Variants in AFF2 observed in about 807,000 individuals in gnomAD.
AFF2 encodes ALF transcription elongation factor 2, also known as AF4/FMR2 family member 2.
AFF2 carries 14 observed loss-of-function variants against 76.9 expected under a neutral mutation model. That is an observed-to-expected ratio of 0.18 (90% CI 0.12 to 0.28). The LOEUF (loss-of-function observed/expected upper bound fraction) is 0.28, where lower values mean the gene tolerates loss of function less well. Among genes scored for constraint, AFF2 ranks in the 10% least tolerant of loss-of-function variants. AFF2 has a pLI of 1.00. For synonymous variants in AFF2, 398 were observed against 366.7 expected (o/e 1.09, Z -0.98); for missense variants, 868 against 1,001.1 (o/e 0.87, Z 1.79).
intron 9 of AFF2, among the ~76,000 whole-genome samples, chrX:148,905,021 C>G (rs1380191043): frequency 8.9e-6 from 1 of 112,091 alleles, no homozygotes; most frequent in Non-Finnish European, 1.9e-5. Context: ...CTGGTAATAT[C>G]ACATCTCGAG....
At chrX:148,886,905 A>G (rs782424652) in intron 8 of AFF2, among the ~76,000 whole-genome samples, 1 of 112,684 alleles carries the variant, frequency 8.9e-6, no homozygotes, top group East Asian at 2.8e-4. Context: ...TGTTCATTGA[A>G]CATTTCATGA....
intron 1 of AFF2, among the ~76,000 whole-genome samples, chrX:148,564,244 T>C (rs1239340368): frequency 3.6e-5 from 4 of 111,048 alleles, no homozygotes; most frequent in African/African-American, 1.3e-4. Context: ...CCCAGATAAG[T>C]TTTAAATATA....
chrX:148,577,370 C>T (rs781798489), intron 1 of AFF2, among the ~76,000 whole-genome samples: 1 of 111,904 alleles, frequency 8.9e-6, no homozygotes, highest in Non-Finnish European at 1.9e-5. Context: ...TAATGGTGTA[C>T]GTGAAAAGAA....
chrX:148,504,843 T>C (rs1257682706), intron 1 of AFF2, among the ~76,000 whole-genome samples: 1 of 112,021 alleles, frequency 8.9e-6, no homozygotes, highest in East Asian at 2.8e-4. Context: ...CCTCCTGTTC[T>C]GTGCGCACAG....
chrX:148,698,709 A>C (rs2054750283), intron 3 of AFF2, among the ~76,000 whole-genome samples: 1 of 111,601 alleles, frequency 9.0e-6, no homozygotes, highest in African/African-American at 3.3e-5. Context: ...TTAAACTTTG[A>C]AAATGTTTAC....
intron 9 of AFF2, among the ~76,000 whole-genome samples, chrX:148,923,689 C>T (rs1215642392): frequency 9.0e-5 from 10 of 111,318 alleles, no homozygotes; most frequent in African/African-American, 1.6e-4. Flanking sequence ...AAAAATACTT[C>T]GACTTCTAAG....
At chrX:148,591,348 G>A (rs1352276824) in intron 1 of AFF2, among the ~76,000 whole-genome samples, 1 of 111,711 alleles carries the variant, frequency 9.0e-6, no homozygotes, top group African/African-American at 3.3e-5. Flanking sequence ...GAGTTCCAAA[G>A]CTCTGGAGGC....
Position 148,992,005 on chromosome X carries a change from TAAG to T in AFF2, c.*679_*681del, listed in dbSNP as rs1233382043. On this transcript the variant is annotated 3_prime_UTR_variant, in exon 21 of 21. Coordinates refer to ENST00000370460, the MANE Select transcript of AFF2 (RefSeq NM_002025.4). ...TTCCCTATTTTGTTAATTTTAATGA[TAAG>T]AAGAAAGGGTGACATTTATTTTGAC... The T allele has an allele frequency of 7.1e-5, 8 of 112,291 alleles. No individual in the cohort carries two copies. The highest frequency in any genetic ancestry group is 6.6e-4 in the Admixed American group (7 of 10,616). 9.3% of individuals were successfully genotyped at this position (112,291 alleles called of 1,213,427 possible).
chrX:148,873,273 A>G (rs1339576771), intron 7 of AFF2, among the ~76,000 whole-genome samples: 1 of 110,375 alleles, frequency 9.1e-6, no homozygotes. Context: ...GAGCCCGGCT[A>G]TCTAACCTCT....
intron 1 of AFF2, among the ~76,000 whole-genome samples, chrX:148,615,674 A>G (rs1239355860): frequency 3.6e-5 from 4 of 111,722 alleles, no homozygotes; most frequent in African/African-American, 1.3e-4. Flanking sequence ...ATTCATTCCA[A>G]CCCATTTAGC....
intron 6 of AFF2, 105 bp downstream of exon 6, chrX:148,843,107 A>G: frequency 3.1e-6 from 2 of 646,172 alleles, no homozygotes; most frequent in South Asian, 6.8e-5. Flanking sequence ...AAGAACAACA[A>G]TAACAAAAAG....
chrX:148,745,016 T>C (rs2055404038), intron 3 of AFF2, among the ~76,000 whole-genome samples: 1 of 111,774 alleles, frequency 8.9e-6, no homozygotes, highest in Admixed American at 9.4e-5. Context: ...TTTTTCAAGT[T>C]GTCTCTACCA....
chrX:148,757,443 A>C (rs1420271813), intron 3 of AFF2, among the ~76,000 whole-genome samples: 1 of 111,669 alleles, frequency 9.0e-6, no homozygotes, highest in African/African-American at 3.3e-5. Flanking sequence ...CCATATATAT[A>C]AAAATACAAT....
intron 3 of AFF2, among the ~76,000 whole-genome samples, chrX:148,778,124 C>T (rs1326141748): frequency 5.4e-5 from 6 of 111,519 alleles, no homozygotes; most frequent in Non-Finnish European, 1.1e-4. Context: ...TGGTTTTTGT[C>T]ATTGGTTCTG....
chrX:148,870,256 T>G (rs1557277232), intron 7 of AFF2, among the ~76,000 whole-genome samples: 1 of 112,180 alleles, frequency 8.9e-6, no homozygotes, highest in Non-Finnish European at 1.9e-5. Flanking sequence ...GTCATCTGCC[T>G]GCAGTCATTT....
Position 148,970,334 on chromosome X carries a change from G to T in AFF2, c.3267+2642G>T, listed in dbSNP as rs782225403. ...AGGACCTCTAGCTAATCATTTTATA[G>T]TTGTACTTAATCCTTTGCTAGAGAC... On this transcript the variant is annotated intron_variant, in intron 15 of 20. Transcript: ENST00000370460. 2.7e-5 allele frequency among the ~76,000 whole-genome samples: 3 copies of T among 112,016 alleles called. No homozygotes were observed. In the South Asian group the frequency reaches 1.1e-3, roughly 42 times the overall value.
intron 4 of AFF2, among the ~76,000 whole-genome samples, chrX:148,836,330 G>A (rs911159716): frequency 8.9e-6 from 1 of 111,904 alleles, no homozygotes; most frequent in Non-Finnish European, 1.9e-5. Context: ...CACTGTGAAT[G>A]AATCTGTGAA....
chrX:148,686,560 C>T (rs1322314074), intron 3 of AFF2, among the ~76,000 whole-genome samples: 9 of 111,751 alleles, frequency 8.1e-5, no homozygotes, highest in African/African-American at 2.9e-4. Flanking sequence ...GCTGAGGGAC[C>T]TTTGACAAGT....
intron 3 of AFF2, among the ~76,000 whole-genome samples, chrX:148,777,573 T>C (rs1314672593): frequency 8.9e-6 from 1 of 111,838 alleles, no homozygotes; most frequent in Non-Finnish European, 1.9e-5. Flanking sequence ...TTCACATCCC[T>C]TGTAAGTTGT....
Sources: gnomAD v4.1 joint callset for allele counts (sites outside exome capture counted in the v4.1 genomes callset) on GRCh38, gnomAD v4.1.1 for gene constraint, MANE v1.5 for transcripts, NCBI Gene and HGNC (gene_info 2026-07-23, HGNC 2026-07-21) for gene names.